SREK1IP1: variants seen among roughly 807,000 people sequenced by gnomAD.
SREK1IP1 encodes the protein protein SREK1IP1.
Under a neutral mutation model 22.8 loss-of-function variants are expected in SREK1IP1, and 12 were observed. That is an observed-to-expected ratio of 0.53 (90% confidence interval 0.34 to 0.85). The LOEUF (loss-of-function observed/expected upper bound fraction) is 0.85. Ranked by LOEUF, SREK1IP1 falls within the 40% of genes least tolerant of loss-of-function variation. The pLI is 0.02. For missense variants in SREK1IP1, 147 were observed against 171.8 expected (o/e 0.86, Z 0.81); for synonymous variants, 53 against 52.7 (o/e 1.01, Z -0.02).
In SREK1IP1 at chr5:64,768,649, G is replaced by T; in HGVS notation, c.-132C>A. 2 of 1,321,926 alleles carry T rather than the reference G, an allele frequency of 1.5e-6. No individual in the cohort carries two copies. Among genetic ancestry groups the T allele is most frequent in the Non-Finnish European group, 2.1e-6 (2 of 931,326 alleles). The allele number at this position is 1,321,926 out of a possible 1,614,324, so 81.9% of individuals were successfully genotyped here. A position where few individuals can be genotyped will look rare whatever the true frequency, so the allele number is the denominator to read the frequency against. On this transcript the variant is annotated 5_prime_UTR_variant, in exon 1 of 5. Transcript: ENST00000513458. ...GCGCAGCAGCACCCTCGCTACGGTC[G>T]GGAAGGGCCTGTACGCCTCTAGCGA... is the stretch of plus-strand genomic sequence containing the variant.
intron 1 of SREK1IP1, among the ~76,000 whole-genome samples, chr5:64,756,762 G>A (rs933904111): frequency 1.2e-4 from 18 of 151,922 alleles, no homozygotes; most frequent in Non-Finnish European, 1.5e-5. Flanking sequence ...GAGTAGCTGG[G>A]ACTACAGGCA....
intron 1 of SREK1IP1, among the ~76,000 whole-genome samples, chr5:64,755,591 T>C (rs1309637988): frequency 1.3e-5 from 2 of 152,118 alleles, no homozygotes; most frequent in Non-Finnish European, 2.9e-5. Flanking sequence ...GAAAAACTGT[T>C]GGGTACTATG....
intron 3 of SREK1IP1, among the ~76,000 whole-genome samples, chr5:64,729,561 G>T (rs1324770183): frequency 2.0e-5 from 3 of 152,160 alleles, no homozygotes; most frequent in African/African-American, 7.2e-5. Context: ...GACCATGAAG[G>T]CAACAGTAAG....
chr5:64,736,560 C>T (rs1409856764), intron 3 of SREK1IP1, among the ~76,000 whole-genome samples: 1 of 151,458 alleles, frequency 6.6e-6, no homozygotes, highest in Non-Finnish European at 1.5e-5. Flanking sequence ...CTCCCGGGTT[C>T]AAGTGATTCT....
intron 3 of SREK1IP1, among the ~76,000 whole-genome samples, chr5:64,728,861 A>C (rs1742322786): frequency 6.6e-6 from 1 of 152,186 alleles, no homozygotes; most frequent in Non-Finnish European, 1.5e-5. Flanking sequence ...CTTTGTACAT[A>C]TAAGAAGTAT....
chr5:64,763,462 G>A (rs1169776562), intron 1 of SREK1IP1, among the ~76,000 whole-genome samples: 3 of 151,404 alleles, frequency 2.0e-5, no homozygotes, highest in African/African-American at 4.9e-5. Flanking sequence ...ACTTGAACCC[G>A]GGAGGCGGAG....
At chr5:64,752,378 C>A (rs1053584890) in intron 2 of SREK1IP1, among the ~76,000 whole-genome samples, 2 of 151,944 alleles carry the variant, frequency 1.3e-5, no homozygotes, top group Non-Finnish European at 2.9e-5. Context: ...GTCTCGATCT[C>A]CTGACCTCGT....
At chr5:64,726,014 C>CGGGT (rs1742258901) in intron 4 of SREK1IP1, among the ~76,000 whole-genome samples, 1 of 151,392 alleles carries the variant, frequency 6.6e-6, no homozygotes, top group Non-Finnish European at 1.5e-5. Context: ...TACAGGTACC[C>CGGGT]ACCTGTAATC....
chr5:64,755,421 G>A (rs1470215300), intron 1 of SREK1IP1, among the ~76,000 whole-genome samples: 3 of 152,178 alleles, frequency 2.0e-5, no homozygotes, highest in Admixed American at 2.0e-4. Context: ...CATGGATGCA[G>A]GTGGAGGCCA....
intron 1 of SREK1IP1, among the ~76,000 whole-genome samples, chr5:64,759,013 T>C (rs770662950): frequency 6.6e-6 from 1 of 152,238 alleles, no homozygotes; most frequent in South Asian, 2.1e-4. Flanking sequence ...ACTGACTTAA[T>C]AGATCTGAGG....
chr5:64,740,969 A>T, intron 3 of SREK1IP1, 88 bp downstream of exon 3: 1 of 1,211,720 alleles, frequency 8.3e-7, no homozygotes, highest in East Asian at 2.4e-5. Context: ...ACTATAAAAG[A>T]GATCTTAGTA....
chr5:64,768,502 T>C lies in SREK1IP1; in HGVS notation c.13+3A>G. 1 of 1,614,152 alleles carries C rather than the reference T, an allele frequency of 6.2e-7. No homozygotes were observed. The highest frequency in any genetic ancestry group is 8.5e-7 in the Non-Finnish European group (1 of 1,179,998). ...ACGCAGAGGCCCTGTAATTGCTCCT[T>C]ACCTGGGACTGCCATGACGGTGGTA... On this transcript the variant is annotated splice_donor_region_variant and intron_variant, in intron 1 of 4. Coordinates refer to ENST00000513458, the MANE Select transcript of SREK1IP1 (RefSeq NM_173829.4).
At chr5:64,736,803 T>C (rs551993416) in intron 3 of SREK1IP1, among the ~76,000 whole-genome samples, 1 of 147,668 alleles carries the variant, frequency 6.8e-6, no homozygotes, top group East Asian at 1.9e-4. Context: ...AAATGACCCT[T>C]TTATCATTAG....
intron 2 of SREK1IP1, among the ~76,000 whole-genome samples, chr5:64,741,442 T>G (rs949504872): frequency 6.6e-6 from 1 of 152,160 alleles, no homozygotes; most frequent in Non-Finnish European, 1.5e-5. Flanking sequence ...TAAGCATTTT[T>G]GGGGGCCACT....
chr5:64,756,386 G>T (rs1742841919), intron 1 of SREK1IP1, among the ~76,000 whole-genome samples: 1 of 152,026 alleles, frequency 6.6e-6, no homozygotes, highest in South Asian at 2.1e-4. Context: ...GTCTATTCTA[G>T]GTACTTCATA....
At chr5:64,767,673 A>G (rs1743068576) in intron 1 of SREK1IP1, among the ~76,000 whole-genome samples, 1 of 152,196 alleles carries the variant, frequency 6.6e-6, no homozygotes, top group Non-Finnish European at 1.5e-5. Context: ...TTCTATAGCA[A>G]TTCATAGTAT....
chr5:64,763,323 G>C (rs1742983423), intron 1 of SREK1IP1, among the ~76,000 whole-genome samples: 1 of 152,114 alleles, frequency 6.6e-6, no homozygotes, highest in South Asian at 2.1e-4. Context: ...CGGGTCACAG[G>C]GTCAGGAGAT....
intron 2 of SREK1IP1, among the ~76,000 whole-genome samples, chr5:64,752,300 C>T (rs548164288): frequency 1.1e-4 from 16 of 151,694 alleles, no homozygotes; most frequent in East Asian, 3.9e-4. Flanking sequence ...TACAGGCGCC[C>T]GCCACCACGT....
intron 3 of SREK1IP1, among the ~76,000 whole-genome samples, chr5:64,733,621 A>C (rs1285695762): frequency 6.6e-6 from 1 of 152,148 alleles, no homozygotes; most frequent in African/African-American, 2.4e-5. Context: ...AAAATATACA[A>C]CTACCATAAC....
Sources: allele counts gnomAD v4.1 joint callset (sites outside exome capture counted in the v4.1 genomes callset), GRCh38; gene constraint gnomAD v4.1.1; transcripts MANE v1.5; gene names NCBI Gene and HGNC (gene_info 2026-07-23, HGNC 2026-07-21).